The following BMPR1B variants were observed in gnomAD, a reference collection of about 807,000 sequenced individuals.
BMPR1B encodes bone morphogenetic protein receptor type 1B.
BMPR1B carries 12 observed loss-of-function variants against 59.1 expected under a neutral mutation model. The observed-to-expected ratio is 0.20, with a 90% CI of 0.13 to 0.33. The LOEUF (loss-of-function observed/expected upper bound fraction) is 0.33. Ranked by LOEUF, BMPR1B falls within the 10% of genes least tolerant of loss-of-function variation. The probability of loss-of-function intolerance (pLI) is 1.00; values close to 1 mark genes in which losing one functional copy is unlikely to be tolerated. For missense variants in BMPR1B, 550 were observed against 610.9 expected, an observed-to-expected ratio of 0.90 and a Z score of 1.05; for synonymous variants, 237 against 207.3, an observed-to-expected ratio of 1.14 and a Z score of -1.23.
intron 1 of BMPR1B, among the ~76,000 whole-genome samples, chr4:94,860,544 T>A (rs1243107991): frequency 6.6e-6 from 1 of 152,248 alleles, no homozygotes; most frequent in South Asian, 2.1e-4. Context: ...ATTCAATTTA[T>A]GGACTTTGAT....
chr4:94,948,391 A>G (rs150762080), intron 2 of BMPR1B, among the ~76,000 whole-genome samples: 49 of 152,330 alleles, frequency 3.2e-4, no homozygotes, highest in African/African-American at 1.1e-3. Context: ...GGAGGCATTC[A>G]TAGTTCTTTG....
At chr4:94,892,284 C>T (rs1035304876) in intron 2 of BMPR1B, among the ~76,000 whole-genome samples, 2 of 152,030 alleles carry the variant, frequency 1.3e-5, no homozygotes, top group Non-Finnish European at 2.9e-5. Context: ...CAGCTGTGAG[C>T]TTACTGGAAA....
At chr4:94,977,479 CTTTT>C (rs5741894) in intron 2 of BMPR1B, among the ~76,000 whole-genome samples, 17 of 138,828 alleles carry the variant, frequency 1.2e-4, no homozygotes, top group Admixed American at 1.4e-4. Flanking sequence ...AGCAAGATGC[CTTTT>C]TTTTTTTTTT....
intron 1 of BMPR1B, among the ~76,000 whole-genome samples, chr4:94,811,877 A>G (rs1723828594): frequency 6.6e-6 from 1 of 152,196 alleles, no homozygotes; most frequent in South Asian, 2.1e-4. Flanking sequence ...TATAAACATA[A>G]TTTTAGCATA....
At chr4:94,836,150 AG>A (rs1343017848) in intron 1 of BMPR1B, among the ~76,000 whole-genome samples, 1 of 148,534 alleles carries the variant, frequency 6.7e-6, no homozygotes, top group Non-Finnish European at 1.5e-5. Context: ...TTCTTAATCC[AG>A]TCTGTCATTG....
At chr4:95,026,140 T>TTCTTTCTTTCTTTCTTTCTTTCTC (rs1724391326) in intron 3 of BMPR1B, among the ~76,000 whole-genome samples, 2 of 149,340 alleles carry the variant, frequency 1.3e-5, no homozygotes, top group African/African-American at 5.0e-5. Flanking sequence ...CTTTCTTTCT[T>TTCTTTCTTTCTTTCTTTCTTTCTC]TCTTTCTTTC....
intron 3 of BMPR1B, among the ~76,000 whole-genome samples, chr4:95,010,119 G>A (rs541095213): frequency 4.6e-5 from 7 of 152,134 alleles, no homozygotes; most frequent in Non-Finnish European, 8.8e-5. Context: ...CTAAATGCTG[G>A]TATGATTTAT....
intron 1 of BMPR1B, among the ~76,000 whole-genome samples, chr4:94,813,923 C>G (rs1360221736): frequency 2.6e-5 from 4 of 152,104 alleles, no homozygotes; most frequent in African/African-American, 7.2e-5. Flanking sequence ...CAAGGGAAAA[C>G]AAGAATGTGA....
chr4:95,120,666 CTT>C, intron 6 of BMPR1B, among the ~76,000 whole-genome samples: 1 of 139,228 alleles, frequency 7.2e-6, no homozygotes, highest in South Asian at 2.3e-4. Flanking sequence ...TTCCTTCCTT[CTT>C]CTTTCTTTTC....
intron 2 of BMPR1B, among the ~76,000 whole-genome samples, chr4:94,879,871 A>G (rs1726889318): frequency 6.6e-6 from 1 of 152,206 alleles, no homozygotes; most frequent in South Asian, 2.1e-4. Context: ...AAAGAAAAAA[A>G]CAATGTATAT....
chr4:94,847,845 A>G (rs937440365), intron 1 of BMPR1B, among the ~76,000 whole-genome samples: 7 of 152,164 alleles, frequency 4.6e-5, no homozygotes, highest in African/African-American at 1.7e-4. Flanking sequence ...GGCTACAAAA[A>G]TATACAGAAT....
At chr4:94,943,464 T>C (rs1269345052) in intron 2 of BMPR1B, among the ~76,000 whole-genome samples, 3 of 152,346 alleles carry the variant, frequency 2.0e-5, no homozygotes, top group South Asian at 4.1e-4. Context: ...CTACTCAGCA[T>C]ATCTGTTCCT....
chr4:94,963,273 T>A (rs952830108), intron 2 of BMPR1B, among the ~76,000 whole-genome samples: 2 of 152,124 alleles, frequency 1.3e-5, no homozygotes, highest in African/African-American at 4.8e-5. Flanking sequence ...GTTTATAAAT[T>A]TTTTTTGCAT....
rs1309674635 is a variant in BMPR1B, at chr4:95,154,957, A to G, written c.*284A>G. The G allele has an allele frequency of 5.5e-6, 2 of 361,908 alleles. No individual in the cohort carries two copies. Among genetic ancestry groups the G allele is most frequent in the African/African-American group, 2.1e-5 (1 of 47,058 alleles). 22.4% of individuals were successfully genotyped at this position (361,908 alleles called of 1,614,324 possible). On this transcript the variant is annotated 3_prime_UTR_variant, in exon 13 of 13. Coordinates refer to ENST00000515059, the MANE Select transcript of BMPR1B (RefSeq NM_001203.3). ...TTCTAAGAAAGCCCTGTATTTTGTGATTGCCTTTTTTTTTTTTTAAGATGC... is the reference window on the plus strand; with the variant it reads ...TTCTAAGAAAGCCCTGTATTTTGTGGTTGCCTTTTTTTTTTTTTAAGATGC...
At chr4:94,827,193 C>G (rs1724412730) in intron 1 of BMPR1B, among the ~76,000 whole-genome samples, 1 of 152,068 alleles carries the variant, frequency 6.6e-6, no homozygotes, top group South Asian at 2.1e-4. Context: ...AAAAGCACTT[C>G]CTTTTGCAAG....
intron 1 of BMPR1B, among the ~76,000 whole-genome samples, chr4:94,810,744 A>G (rs1219564878): frequency 6.6e-6 from 1 of 152,236 alleles, no homozygotes; most frequent in Non-Finnish European, 1.5e-5. Context: ...TAAGCCAAGT[A>G]TAAAATCCTG....
intron 3 of BMPR1B, among the ~76,000 whole-genome samples, chr4:95,060,067 C>T (rs762912402): frequency 2.6e-5 from 4 of 152,152 alleles, no homozygotes; most frequent in Non-Finnish European, 2.9e-5. Flanking sequence ...TTCAGAAACA[C>T]GGAGTCTGCA....
At chr4:94,981,582 T>C (rs1721086823) in intron 2 of BMPR1B, among the ~76,000 whole-genome samples, 1 of 152,182 alleles carries the variant, frequency 6.6e-6, no homozygotes, top group African/African-American at 2.4e-5. Flanking sequence ...TTTCTTACAA[T>C]TTAATTTAGC....
At chr4:95,153,716 G>C (rs541083957) in intron 12 of BMPR1B, among the ~76,000 whole-genome samples, 1 of 152,034 alleles carries the variant, frequency 6.6e-6, no homozygotes, top group Non-Finnish European at 1.5e-5. Flanking sequence ...CTAGTGTGTT[G>C]GTGCACACCT....
Sources: allele counts gnomAD v4.1 joint callset (sites outside exome capture counted in the v4.1 genomes callset), GRCh38; gene constraint gnomAD v4.1.1; transcripts MANE v1.5; gene names NCBI Gene and HGNC (gene_info 2026-07-23, HGNC 2026-07-21).